The following SNTB2 variants were observed in gnomAD, a reference collection of about 807,000 sequenced individuals.
SNTB2 encodes syntrophin beta 2.
Under a neutral mutation model 46.2 loss-of-function variants are expected in SNTB2, and 34 were observed. The ratio of observed to expected loss-of-function variants is 0.74; its 90% CI spans 0.56 to 0.98. The LOEUF (loss-of-function observed/expected upper bound fraction) is 0.98. Ranked by LOEUF, SNTB2 falls within the 50% of genes least tolerant of loss-of-function variation. The pLI, the probability that SNTB2 is intolerant of heterozygous loss-of-function variation, is 0.00. For synonymous variants in SNTB2, 290 were observed against 312.6 expected (o/e 0.93, Z 0.76); for missense variants, 603 against 731.4 (o/e 0.82, Z 2.02).
chr16:69,272,372 C>G (rs1485444153), intron 4 of SNTB2, among the ~76,000 whole-genome samples: 1 of 151,506 alleles, frequency 6.6e-6, no homozygotes, highest in Non-Finnish European at 1.5e-5. Flanking sequence ...GAAATCCCAT[C>G]TCTACTAAAA....
chr16:69,250,134 A>G (rs111985212), intron 2 of SNTB2, among the ~76,000 whole-genome samples: 4 of 152,358 alleles, frequency 2.6e-5, no homozygotes, highest in African/African-American at 9.6e-5. Context: ...TTTGTAAAAT[A>G]TAAATTGGAA....
intron 5 of SNTB2, among the ~76,000 whole-genome samples, chr16:69,287,808 A>G (rs1965119233): frequency 6.6e-6 from 1 of 152,002 alleles, no homozygotes; most frequent in Non-Finnish European, 1.5e-5. Context: ...GCAGTGAGCT[A>G]TGATCACACC....
chr16:69,216,458 G>A (rs1213724592), intron 1 of SNTB2, among the ~76,000 whole-genome samples: 4 of 151,840 alleles, frequency 2.6e-5, no homozygotes, highest in African/African-American at 9.7e-5. Flanking sequence ...CACGGTGGGA[G>A]GATTGCATGA....
chr16:69,293,282 C>CT (rs756804388), intron 5 of SNTB2, among the ~76,000 whole-genome samples: 3 of 152,226 alleles, frequency 2.0e-5, no homozygotes, highest in Non-Finnish European at 4.4e-5. Context: ...CAGAAGCTGT[C>CT]TATCCATAAG....
intron 1 of SNTB2, among the ~76,000 whole-genome samples, chr16:69,231,844 T>TA: frequency 6.6e-6 from 1 of 152,298 alleles, no homozygotes; most frequent in East Asian, 1.9e-4. Context: ...ACATTTTTTA[T>TA]AAAAAATTGA....
At chr16:69,242,887 G>T (rs1355331418) in intron 1 of SNTB2, among the ~76,000 whole-genome samples, 4 of 152,134 alleles carry the variant, frequency 2.6e-5, no homozygotes, top group African/African-American at 7.2e-5. Flanking sequence ...CGGGCGTGGT[G>T]GCGGGCGCCT....
intron 1 of SNTB2, among the ~76,000 whole-genome samples, chr16:69,237,655 T>A (rs533160260): frequency 6.8e-6 from 1 of 146,540 alleles, no homozygotes; most frequent in South Asian, 2.2e-4. Flanking sequence ...CAGGCTGGAG[T>A]GCAATGGTGC....
At chr16:69,204,629 T>G (rs965997676) in intron 1 of SNTB2, among the ~76,000 whole-genome samples, 9 of 152,220 alleles carry the variant, frequency 5.9e-5, no homozygotes, top group African/African-American at 2.2e-4. Context: ...ATGAATTGAC[T>G]GTGGAGTTTA....
intron 5 of SNTB2, among the ~76,000 whole-genome samples, chr16:69,286,441 T>C (rs992899139): frequency 6.6e-6 from 1 of 152,132 alleles, no homozygotes; most frequent in Non-Finnish European, 1.5e-5. Flanking sequence ...CCCTGCACTT[T>C]GGAAGGCTAA....
rs190279150 is a variant in SNTB2, at chr16:69,257,498, G to A, written c.795-2552G>A. 3.3e-3 allele frequency among the ~76,000 whole-genome samples: 494 copies of A among 151,642 alleles called. 4 individuals carry two copies. The highest frequency in any genetic ancestry group is 9.9e-3 in the African/African-American group (409 of 41,382). On this transcript the variant is annotated intron_variant, in intron 2 of 6. Coordinates refer to ENST00000336278, the MANE Select transcript of SNTB2 (RefSeq NM_006750.4). ...GTCTTGCTCTGCTGCCCAGGCTGGA[G>A]TGCAGTGGCATGATCTCGGCTCACT...
At chr16:69,254,931 G>T (rs1292936683) in intron 2 of SNTB2, among the ~76,000 whole-genome samples, 3 of 152,022 alleles carry the variant, frequency 2.0e-5, no homozygotes, top group Non-Finnish European at 4.4e-5. Flanking sequence ...GCTGCAATGG[G>T]CTCTTAGGAT....
At chr16:69,267,883 A>T (rs1310332878) in intron 3 of SNTB2, among the ~76,000 whole-genome samples, 1 of 152,242 alleles carries the variant, frequency 6.6e-6, no homozygotes, top group Non-Finnish European at 1.5e-5. Context: ...CCGATAAGTG[A>T]TTCATCAATT....
intron 1 of SNTB2, among the ~76,000 whole-genome samples, chr16:69,237,934 G>A (rs1230231727): frequency 5.3e-5 from 8 of 152,076 alleles, no homozygotes; most frequent in Admixed American, 2.0e-4. Context: ...CTTGTGTTTC[G>A]TGGATCTTCT....
At chr16:69,294,476 C>T (rs1965203909) in intron 5 of SNTB2, among the ~76,000 whole-genome samples, 1 of 151,772 alleles carries the variant, frequency 6.6e-6, no homozygotes, top group Non-Finnish European at 1.5e-5. Flanking sequence ...GTAATCCCAG[C>T]ATTTTGGGAG....
chr16:69,242,400 G>A (rs538099197), intron 1 of SNTB2, among the ~76,000 whole-genome samples: 4 of 152,080 alleles, frequency 2.6e-5, no homozygotes, highest in Non-Finnish European at 5.9e-5. Flanking sequence ...TGCAACCTGA[G>A]GGACAGAGTG....
At chr16:69,290,719 G>A (rs1965152186) in intron 5 of SNTB2, among the ~76,000 whole-genome samples, 1 of 152,164 alleles carries the variant, frequency 6.6e-6, no homozygotes, top group African/African-American at 2.4e-5. Context: ...GTATGTATCA[G>A]GATTGTCATA....
In SNTB2 at chr16:69,283,702, A is replaced by G. The variant is rs1038086648; in HGVS notation, c.1149-346A>G. ...TTGATACATATAACCTCTTGGGAGC[A>G]TAGAGGAGCTCATGGAAAATTAGGG... On this transcript the variant is annotated intron_variant, in intron 4 of 6. Transcript: ENST00000336278. Among the ~76,000 whole-genome samples the G allele has an allele frequency of 2.6e-5, 4 of 152,274 alleles. 1 individual carries two copies. Among genetic ancestry groups the G allele is most frequent in the Non-Finnish European group, 5.9e-5 (4 of 68,036 alleles).
At chr16:69,235,486 T>C (rs1434579511) in intron 1 of SNTB2, among the ~76,000 whole-genome samples, 2 of 152,174 alleles carry the variant, frequency 1.3e-5, no homozygotes, top group Non-Finnish European at 2.9e-5. Context: ...CTCTGTAGTT[T>C]CTATATAGGT....
At chr16:69,259,012 G>T (rs910033755) in intron 2 of SNTB2, among the ~76,000 whole-genome samples, 2 of 152,162 alleles carry the variant, frequency 1.3e-5, no homozygotes, top group East Asian at 3.9e-4. Flanking sequence ...TTTCCTAAAT[G>T]CTTAAAAGGG....
Sources: gnomAD v4.1 joint callset for allele counts (sites outside exome capture counted in the v4.1 genomes callset) on GRCh38, gnomAD v4.1.1 for gene constraint, MANE v1.5 for transcripts, NCBI Gene and HGNC (gene_info 2026-07-23, HGNC 2026-07-21) for gene names.